RBMS3: variants seen among roughly 807,000 people sequenced by gnomAD.
RBMS3 encodes RNA-binding motif, single-stranded-interacting protein 3.
RBMS3 carries 27 observed loss-of-function variants against 66.8 expected under a neutral mutation model. The observed-to-expected ratio is 0.40, with a 90% CI of 0.30 to 0.56. The LOEUF is 0.56. Among genes scored for constraint, RBMS3 ranks in the 20% least tolerant of loss-of-function variants. The pLI, the probability that RBMS3 is intolerant of heterozygous loss-of-function variation, is 0.40. For synonymous variants in RBMS3, 188 were observed against 183.0 expected, an observed-to-expected ratio of 1.03 and a Z score of -0.22; for missense variants, 513 against 549.5, an observed-to-expected ratio of 0.93 and a Z score of 0.66.
At chr3:29,359,125 A>G (rs1015858122) in intron 1 of RBMS3, among the ~76,000 whole-genome samples, 8 of 152,174 alleles carry the variant, frequency 5.3e-5, no homozygotes, top group African/African-American at 1.9e-4. Context: ...GTCTTGTGCC[A>G]GTTTTCAAAG....
At chr3:29,342,881 T>A (rs1292390082) in intron 1 of RBMS3, among the ~76,000 whole-genome samples, 1 of 152,064 alleles carries the variant, frequency 6.6e-6, no homozygotes, top group African/African-American at 2.4e-5. Context: ...AAAAGCCAAA[T>A]AAATGGAAAT....
At position 29,868,307 on chromosome 3, in the gene RBMS3, C is replaced by G. The variant is rs536024813; in HGVS notation, c.638-551C>G. On this transcript the variant is annotated intron_variant, in intron 6 of 14. Transcript: ENST00000383767. ...ATAATTGTTCTCCCTGGGATTCTGA[C>G]TAGATTTTACTGGAAAATTGGAGTG... Among the ~76,000 whole-genome samples, 5 of 152,242 alleles carry G rather than the reference C, an allele frequency of 3.3e-5. No individual in the cohort carries two copies. The South Asian group carries it at 1.0e-3, about 32-fold the overall frequency.
At chr3:29,705,162 G>A (rs1408019865) in intron 4 of RBMS3, among the ~76,000 whole-genome samples, 1 of 152,132 alleles carries the variant, frequency 6.6e-6, no homozygotes, top group Non-Finnish European at 1.5e-5. Context: ...CAACCATTAC[G>A]GCCACATTGC....
intron 3 of RBMS3, among the ~76,000 whole-genome samples, chr3:29,490,828 G>T (rs143817000): frequency 1.3e-5 from 2 of 152,060 alleles, no homozygotes; most frequent in African/African-American, 4.8e-5. Flanking sequence ...ATTAGAATGC[G>T]AATTATAGTG....
chr3:29,307,251 C>T (rs1311758184), intron 1 of RBMS3, among the ~76,000 whole-genome samples: 1 of 151,882 alleles, frequency 6.6e-6, no homozygotes, highest in Non-Finnish European at 1.5e-5. Flanking sequence ...TGTACTTTAG[C>T]TACAGAAATT....
rs138365985 is a variant in RBMS3 at position 29,361,424 on chromosome 3, G to A, written c.76-73319G>A. On this transcript the variant is annotated intron_variant, in intron 1 of 14. Coordinates refer to ENST00000383767, the MANE Select transcript of RBMS3 (RefSeq NM_001003793.3). ...GTTTCTGCTGAGAGATCCATTGTTA[G>A]TCTGATGGGCTTCACTTTTTGGGTA... is the stretch of plus-strand genomic sequence containing the variant. Among the ~76,000 whole-genome samples the A allele has an allele frequency of 4.6e-3, 703 of 152,322 alleles. 8 individuals are homozygous for A. Among genetic ancestry groups the A allele is most frequent in the African/African-American group, 0.015 (634 of 41,554 alleles).
At chr3:29,328,177 G>A (rs2035449389) in intron 1 of RBMS3, among the ~76,000 whole-genome samples, 1 of 152,146 alleles carries the variant, frequency 6.6e-6, no homozygotes, top group African/African-American at 2.4e-5. Context: ...CGTTTAAATA[G>A]TTTACTAGTA....
At chr3:29,652,041 T>C (rs2050161687) in intron 4 of RBMS3, among the ~76,000 whole-genome samples, 1 of 152,156 alleles carries the variant, frequency 6.6e-6, no homozygotes, top group Non-Finnish European at 1.5e-5. Context: ...TCTCTTTGGA[T>C]AACTACTGAC....
intron 4 of RBMS3, among the ~76,000 whole-genome samples, chr3:29,648,608 A>G (rs959731504): frequency 6.6e-6 from 1 of 152,074 alleles, no homozygotes; most frequent in African/African-American, 2.4e-5. Flanking sequence ...ACATGAACTC[A>G]CGGCTTATGT....
intron 4 of RBMS3, among the ~76,000 whole-genome samples, chr3:29,734,516 C>G (rs1352574174): frequency 6.6e-6 from 1 of 152,082 alleles, no homozygotes; most frequent in East Asian, 1.9e-4. Context: ...GCACCACATA[C>G]ATTTGTACAA....
At chr3:29,971,892 A>G (rs1697252077) in intron 12 of RBMS3, among the ~76,000 whole-genome samples, 1 of 152,160 alleles carries the variant, frequency 6.6e-6, no homozygotes, top group African/African-American at 2.4e-5. Context: ...GATTAAAAAA[A>G]AAGTTTGAAC....
At chr3:29,684,204 G>T (rs1445340189) in intron 4 of RBMS3, among the ~76,000 whole-genome samples, 1 of 152,028 alleles carries the variant, frequency 6.6e-6, no homozygotes, top group Non-Finnish European at 1.5e-5. Context: ...TGTACTGGGA[G>T]GCCTATCAAC....
intron 7 of RBMS3, among the ~76,000 whole-genome samples, chr3:29,876,000 A>G (rs1413409065): frequency 6.6e-6 from 1 of 152,232 alleles, no homozygotes; most frequent in Non-Finnish European, 1.5e-5. Flanking sequence ...TTTCTCAAAC[A>G]TAAAGAAGTT....
chr3:30,002,775 G>T (rs1699669735), intron 14 of RBMS3, among the ~76,000 whole-genome samples: 1 of 151,820 alleles, frequency 6.6e-6, no homozygotes, highest in South Asian at 2.1e-4. Context: ...TGCAAATCAG[G>T]AAACTATGTC....
At chr3:29,567,920 A>T (rs2149061392) in intron 3 of RBMS3, among the ~76,000 whole-genome samples, 1 of 152,290 alleles carries the variant, frequency 6.6e-6, no homozygotes, top group East Asian at 1.9e-4. Context: ...TCTTATTTTA[A>T]TCTGAAACCT....
chr3:29,650,956 G>T lies in RBMS3; in HGVS notation c.399+63751G>T, dbSNP rs150767058. On this transcript the variant is annotated intron_variant, in intron 4 of 14. Transcript: ENST00000383767. ...GGGTATAAATGCAATTTATTTTACAGAGCCTGAAGTCTTTATATGTTTCTA... is the reference window on the plus strand; with the variant it reads ...GGGTATAAATGCAATTTATTTTACATAGCCTGAAGTCTTTATATGTTTCTA... Among the ~76,000 whole-genome samples, 657 of 152,280 alleles carry T rather than the reference G, an allele frequency of 4.3e-3. 2 individuals are homozygous for T. The highest frequency in any genetic ancestry group is 7.7e-3 in the Non-Finnish European group (524 of 68,022).
intron 1 of RBMS3, among the ~76,000 whole-genome samples, chr3:29,325,084 T>C (rs1291665016): frequency 1.3e-5 from 2 of 152,180 alleles, no homozygotes; most frequent in Non-Finnish European, 2.9e-5. Context: ...GAATAAACTA[T>C]GGCATGTCTG....
intron 3 of RBMS3, among the ~76,000 whole-genome samples, chr3:29,513,628 A>G (rs1274392798): frequency 6.6e-6 from 1 of 152,166 alleles, no homozygotes; most frequent in Non-Finnish European, 1.5e-5. Flanking sequence ...AGGATTCTTC[A>G]GTTCTTTTAG....
At chr3:29,654,255 G>T (rs2050243203) in intron 4 of RBMS3, among the ~76,000 whole-genome samples, 1 of 152,126 alleles carries the variant, frequency 6.6e-6, no homozygotes, top group Admixed American at 6.6e-5. Flanking sequence ...GAATATAGTA[G>T]GGAGAGATTT....
Sources: gnomAD v4.1 joint callset for allele counts (sites outside exome capture counted in the v4.1 genomes callset) on GRCh38, gnomAD v4.1.1 for gene constraint, MANE v1.5 for transcripts, NCBI Gene and HGNC (gene_info 2026-07-23, HGNC 2026-07-21) for gene names.